NFIC: variants seen among roughly 807,000 people sequenced by gnomAD.
NFIC encodes nuclear factor 1 C-type.
In NFIC, 12 loss-of-function variants were observed where a neutral mutation model predicts 54.4. That is an observed-to-expected ratio of 0.22 (90% CI 0.14 to 0.36). The LOEUF is 0.36. Among genes scored for constraint, NFIC ranks in the 10% least tolerant of loss-of-function variants. The pLI is 1.00. For synonymous variants in NFIC, 322 were observed against 319.2 expected (o/e 1.01, Z -0.09); for missense variants, 575 against 718.2 (o/e 0.80, Z 2.28).
rs2082606427 is a variant in NFIC at position 3,459,285 on chromosome 19, A to G, written c.1509+2650A>G. Among the ~76,000 whole-genome samples the G allele has an allele frequency of 7.3e-6, 1 of 137,278 alleles. No individual in the cohort carries two copies. Among genetic ancestry groups the G allele is most frequent in the Non-Finnish European group, 1.5e-5 (1 of 65,530 alleles). The allele number at this position is 137,278 out of a possible 152,430, so 90.1% of individuals were successfully genotyped here. On this transcript the variant is annotated intron_variant, in intron 10 of 10. Coordinates refer to ENST00000443272, the MANE Select transcript of NFIC (RefSeq NM_001245002.2). This position sits in a 1 kb window ranked among gnomAD's most constrained non-coding sequence, Gnocchi z 4.2. ...AATATCCCTCCCCGTGATCTATGCT[A>G]ATTGATCTCGCCCTGGTCAGTTACC...
At chr19:3,447,675 G>A (rs938793305) in intron 6 of NFIC, among the ~76,000 whole-genome samples, 4 of 152,294 alleles carry the variant, frequency 2.6e-5, no homozygotes, top group Admixed American at 2.0e-4. Flanking sequence ...CACTGCTCCC[G>A]ATGGAAATTC....
intron 6 of NFIC, 85 bp from the exon 7 acceptor site, chr19:3,448,929 T>A (rs2082412910): frequency 1.3e-6 from 2 of 1,514,638 alleles, no homozygotes; most frequent in Non-Finnish European, 1.8e-6. Flanking sequence ...AGGCTTCCTA[T>A]CCCTTCGGAG....
intron 10 of NFIC, among the ~76,000 whole-genome samples, chr19:3,457,051 A>T (rs2082570311): frequency 6.6e-6 from 1 of 152,122 alleles, no homozygotes; most frequent in Non-Finnish European, 1.5e-5. Context: ...GCCGAGGCCT[A>T]GAGGGACCGC....
At chr19:3,449,219 A>G in intron 7 of NFIC, 80 bp downstream of exon 7, 3 of 1,527,260 alleles carry the variant, frequency 2.0e-6, no homozygotes, top group Non-Finnish European at 1.8e-6. Context: ...GTCCCACTGG[A>G]TGTCTGACCA....
rs2080951486 is a variant in NFIC at position 3,369,115 on chromosome 19, TTGTCTC to T, written c.30+2452_30+2457del. Among the ~76,000 whole-genome samples, 2 of 151,930 alleles carry T rather than the reference TTGTCTC, an allele frequency of 1.3e-5. No individual in the cohort carries two copies. Among genetic ancestry groups the T allele is most frequent in the African/African-American group, 4.8e-5 (2 of 41,322 alleles). Reference sequence around the variant, plus strand: ...CTATCTCACCATCCCTTTCTCCTCTTTGTCTCTGCATGTCTCTTTGATGTGTCTCTG... The same window carrying T: ...CTATCTCACCATCCCTTTCTCCTCTTTGCATGTCTCTTTGATGTGTCTCTG... On this transcript the variant is annotated intron_variant, in intron 1 of 10. Coordinates refer to ENST00000443272, the MANE Select transcript of NFIC (RefSeq NM_001245002.2). This position sits in a 1 kb window ranked among gnomAD's most constrained non-coding sequence, Gnocchi z 4.3.
At chr19:3,415,588 G>A (rs1208947522) in intron 2 of NFIC, among the ~76,000 whole-genome samples, 2 of 151,990 alleles carry the variant, frequency 1.3e-5, no homozygotes, top group Non-Finnish European at 2.9e-5. Flanking sequence ...AGAGGAGGAT[G>A]GGAACCCAGA....
intron 2 of NFIC, among the ~76,000 whole-genome samples, chr19:3,414,581 C>T (rs975424809): frequency 2.0e-5 from 3 of 149,718 alleles, no homozygotes; most frequent in Non-Finnish European, 4.4e-5. Context: ...GGAGACGGGG[C>T]GAGACTGCAT....
intron 2 of NFIC, among the ~76,000 whole-genome samples, chr19:3,386,997 C>T (rs1024351726): frequency 8.5e-5 from 13 of 152,198 alleles, no homozygotes; most frequent in African/African-American, 1.2e-4. Context: ...ACCGAGAGTC[C>T]CCTTGGCTGT....
intron 2 of NFIC, among the ~76,000 whole-genome samples, chr19:3,421,164 A>G (rs1293753746): frequency 1.3e-5 from 2 of 152,244 alleles, no homozygotes; most frequent in Non-Finnish European, 2.9e-5. Flanking sequence ...TCGCAAGCTC[A>G]TGCTGGGAGC....
chr19:3,444,962 T>TGC (rs2145662503), intron 6 of NFIC, among the ~76,000 whole-genome samples: 1 of 151,892 alleles, frequency 6.6e-6, no homozygotes, highest in South Asian at 2.1e-4. Context: ...GGCATACACA[T>TGC]ACATGCATAT....
At chr19:3,397,627 G>A (rs2081485643) in intron 2 of NFIC, among the ~76,000 whole-genome samples, 1 of 152,120 alleles carries the variant, frequency 6.6e-6, no homozygotes, top group Non-Finnish European at 1.5e-5. Flanking sequence ...CCGGCCTTGC[G>A]AGTCTCCTCC....
At chr19:3,381,572 A>G in intron 1 of NFIC, 140 bp from the exon 2 acceptor site, 1 of 1,300,516 alleles carries the variant, frequency 7.7e-7, no homozygotes, top group African/African-American at 1.5e-5. Flanking sequence ...GTCCGCAGCG[A>G]CCCCCTGCCC....
upstream of NFIC, among the ~76,000 whole-genome samples, chr19:3,365,479 C>T (rs570318350): frequency 1.3e-5 from 2 of 152,114 alleles, no homozygotes; most frequent in Admixed American, 6.5e-5. Context: ...AGGGAGTGAA[C>T]CGGGGGAGGG....
chr19:3,393,002 G>A (rs1023160677), intron 2 of NFIC, among the ~76,000 whole-genome samples: 2 of 152,148 alleles, frequency 1.3e-5, no homozygotes, highest in Non-Finnish European at 1.5e-5. Flanking sequence ...GTACAGTGGC[G>A]CGATCTCGGC....
At chr19:3,422,014 G>A (rs2081960372) in intron 2 of NFIC, among the ~76,000 whole-genome samples, 1 of 152,038 alleles carries the variant, frequency 6.6e-6, no homozygotes, top group Non-Finnish European at 1.5e-5. Flanking sequence ...TTGGCTCACC[G>A]CAACCTCCGC....
At position 3,369,288 on chromosome 19, in the gene NFIC, C is replaced by G. The variant is rs975389207; in HGVS notation, c.30+2622C>G. Reference sequence around the variant, plus strand: ...TGTCTGTCTGTCTCTTCATCTCTGTCTCACCTTCCCTTTCTCCTCTGTCTC... The same window carrying G: ...TGTCTGTCTGTCTCTTCATCTCTGTGTCACCTTCCCTTTCTCCTCTGTCTC... On this transcript the variant is annotated intron_variant, in intron 1 of 10. Transcript: ENST00000443272. This position sits in a 1 kb window ranked among gnomAD's most constrained non-coding sequence, Gnocchi z 4.3. Among the ~76,000 whole-genome samples the G allele has an allele frequency of 2.6e-5, 4 of 152,018 alleles. No homozygotes were observed. The highest frequency in any genetic ancestry group is 4.4e-5 in the Non-Finnish European group (3 of 68,014).
intron 6 of NFIC, among the ~76,000 whole-genome samples, chr19:3,445,518 G>C (rs79623971): frequency 0.026 from 3,898 of 152,274 alleles, 99 homozygotes; most frequent in East Asian, 0.094. Flanking sequence ...GCCTCCTCCA[G>C]AGCCGGGTGT....
At chr19:3,366,907 C>T (rs1473986458) in intron 1 of NFIC, among the ~76,000 whole-genome samples, 1 of 151,932 alleles carries the variant, frequency 6.6e-6, no homozygotes. Context: ...GCACCCCCAA[C>T]CCCGACTCTC....
chr19:3,366,576 A>G (rs1385792760), upstream of NFIC: 12 of 1,093,556 alleles, frequency 1.1e-5, no homozygotes, highest in Non-Finnish European at 1.6e-5. Context: ...GTTTGGAAAA[A>G]TGACTCAGTA....
Sources: gnomAD v4.1 joint callset for allele counts (sites outside exome capture counted in the v4.1 genomes callset) on GRCh38, gnomAD v4.1.1 for gene constraint, Gnocchi (gnomAD v3.1) non-coding constraint, MANE v1.5 for transcripts, NCBI Gene and HGNC (gene_info 2026-07-23, HGNC 2026-07-21) for gene names.